Variants in OPRM1 observed in about 807,000 individuals in gnomAD.
OPRM1 encodes the protein opioid receptor mu 1.
A neutral mutation model predicts 31.8 loss-of-function variants in OPRM1; 27 were observed. The ratio of observed to expected loss-of-function variants is 0.85; its 90% confidence interval spans 0.63 to 1.17. OPRM1 has a LOEUF of 1.17. OPRM1 is among the 50% of genes most tolerant of loss of function. The probability of loss-of-function intolerance (pLI) is 0.00; values close to 1 mark genes in which losing one functional copy is unlikely to be tolerated. For missense variants in OPRM1, 536 were observed against 511.1 expected, an observed-to-expected ratio of 1.05 and a Z score of -0.47; for synonymous variants, 196 against 189.9, an observed-to-expected ratio of 1.03 and a Z score of -0.26.
chr6:154,109,627 A>G (rs901970512), intron 3 of OPRM1, among the ~76,000 whole-genome samples: 1 of 152,182 alleles, frequency 6.6e-6, no homozygotes, highest in Non-Finnish European at 1.5e-5. Context: ...GAACACTACT[A>G]AAGTGAAATG....
chr6:154,046,370 A>G (rs886649923), intron 1 of OPRM1, among the ~76,000 whole-genome samples: 12 of 152,170 alleles, frequency 7.9e-5, no homozygotes, highest in Admixed American at 5.9e-4. Context: ...TCAGGATAAT[A>G]GGAGCAGAAT....
intron 3 of OPRM1, among the ~76,000 whole-genome samples, chr6:154,176,197 C>G (rs181672823): frequency 4.6e-5 from 7 of 152,112 alleles, no homozygotes; most frequent in Non-Finnish European, 8.8e-5. Flanking sequence ...CTATTTATGA[C>G]AAACCCACAG....
At chr6:154,118,560 C>T in intron 3 of OPRM1, 123 bp from the exon 4 acceptor site, 1 of 812,564 alleles carries the variant, frequency 1.2e-6, no homozygotes, top group Non-Finnish European at 2.0e-6. Flanking sequence ...AAAACTGAGG[C>T]TTGCAGGTGA....
intron 1 of OPRM1, among the ~76,000 whole-genome samples, chr6:154,081,461 G>A (rs1043560175): frequency 3.3e-5 from 5 of 152,076 alleles, no homozygotes; most frequent in African/African-American, 4.8e-5. Context: ...AGCCGAGATC[G>A]CGCCACTGCA....
At chr6:154,159,827 C>T (rs781465774) in intron 3 of OPRM1, 4 of 1,608,138 alleles carry the variant, frequency 2.5e-6, no homozygotes, top group Non-Finnish European at 3.4e-6. Flanking sequence ...CTGACTTTGT[C>T]TCAAATGGAA....
At position 154,039,851 on chromosome 6, in the gene OPRM1, G is replaced by T. The variant is rs1443966336; in HGVS notation, c.290+17G>T. The T allele has an allele frequency of 6.4e-7, 1 of 1,557,190 alleles. No individual in the cohort carries two copies. Among genetic ancestry groups the T allele is most frequent in the Non-Finnish European group, 8.7e-7 (1 of 1,154,708 alleles). On this transcript the variant is annotated intron_variant, in intron 1 of 3. Transcript: ENST00000330432. ...GATTGTCAGGTAAGGAAAGCGCCAG[G>T]GCTCCGAGCGGAGGGTTCAGCGGCT...
At chr6:154,176,870 T>G (rs572331699) in intron 3 of OPRM1, among the ~76,000 whole-genome samples, 1 of 152,156 alleles carries the variant, frequency 6.6e-6, no homozygotes, top group Non-Finnish European at 1.5e-5. Context: ...GGAGGCATCA[T>G]GCTACCTGAC....
intron 3 of OPRM1, among the ~76,000 whole-genome samples, chr6:154,106,424 T>C (rs1411506046): frequency 1.3e-5 from 2 of 152,240 alleles, no homozygotes; most frequent in African/African-American, 4.8e-5. Context: ...GCTGAGGGCA[T>C]GACTAACTCC....
At chr6:154,209,124 A>G (rs1777748168) in intron 3 of OPRM1, among the ~76,000 whole-genome samples, 1 of 152,252 alleles carries the variant, frequency 6.6e-6, no homozygotes, top group Non-Finnish European at 1.5e-5. Flanking sequence ...TATAGCAATT[A>G]GAATGATTAG....
At chr6:154,026,258 C>T (rs1327246110) in intron 1 of OPRM1, among the ~76,000 whole-genome samples, 2 of 151,892 alleles carry the variant, frequency 1.3e-5, no homozygotes, top group South Asian at 2.1e-4. Context: ...TGTCATGCCA[C>T]TCTCTCCTGG....
At chr6:154,206,617 C>CA (rs1562540910) in intron 3 of OPRM1, among the ~76,000 whole-genome samples, 3 of 151,658 alleles carry the variant, frequency 2.0e-5, no homozygotes, top group African/African-American at 7.3e-5. Context: ...AAAAAATCAT[C>CA]AAAAAAAGAA....
intron 1 of OPRM1, chr6:154,087,463 A>G: frequency 1.0e-6 from 1 of 985,464 alleles, no homozygotes. Flanking sequence ...AAGCCCAAGG[A>G]GGGCCTGGCT....
intron 3 of OPRM1, among the ~76,000 whole-genome samples, chr6:154,117,887 G>GTGTGTGTGTGTA (rs1797042771): frequency 6.6e-6 from 1 of 151,462 alleles, no homozygotes; most frequent in Non-Finnish European, 1.5e-5. Flanking sequence ...GTGTGTGTGT[G>GTGTGTGTGTGTA]TATGAGAGAG....
At position 154,089,936 on chromosome 6, in the gene OPRM1, C is replaced by T; in HGVS notation, c.401C>T (p.Thr134Ile). 1 of 1,613,824 alleles carries T rather than the reference C, an allele frequency of 6.2e-7. No homozygotes were observed. The highest frequency in any genetic ancestry group is 8.5e-7 in the Non-Finnish European group (1 of 1,179,722). Residue 134 changes from threonine to isoleucine, a missense_variant, in exon 2 of 4, where the codon ACA becomes ATA. Coordinates refer to ENST00000330432, the MANE Select transcript of OPRM1 (RefSeq NM_000914.5). ...CAGAGTGTGAATTACCTAATGGGAA[C>T]ATGGCCATTTGGAACCATCCTTTGC... ...PFQSVNYLMG[T>I]WPFGTILCKI...
At chr6:154,021,276 G>T (rs1217227171) in intron 1 of OPRM1, among the ~76,000 whole-genome samples, 1 of 152,052 alleles carries the variant, frequency 6.6e-6, no homozygotes. Context: ...GTATTTATAT[G>T]GATCTATACC....
intron 3 of OPRM1, among the ~76,000 whole-genome samples, chr6:154,196,758 A>T (rs986782701): frequency 2.0e-5 from 3 of 152,222 alleles, no homozygotes; most frequent in Non-Finnish European, 1.5e-5. Flanking sequence ...TGCTTTGTGA[A>T]AATAATCAGT....
intron 3 of OPRM1, among the ~76,000 whole-genome samples, chr6:154,218,788 G>A (rs1279530439): frequency 2.0e-5 from 3 of 152,140 alleles, no homozygotes; most frequent in Non-Finnish European, 4.4e-5. Flanking sequence ...CCATTTAGCC[G>A]GATGGACAAT....
rs1797243808 is a variant in OPRM1 at position 154,120,479 on chromosome 6, C to T, written c.*1758C>T. 6.6e-6 allele frequency among the ~76,000 whole-genome samples: 1 copy of T among 152,094 alleles called. No homozygotes were observed. The highest frequency in any genetic ancestry group is 2.4e-5 in the African/African-American group (1 of 41,432). ...CTCAAATATTATGTTCCATAATAGA[C>T]ATACATTATGTTTAATTTTTTATAT... is the stretch of plus-strand genomic sequence containing the variant. On this transcript the variant is annotated 3_prime_UTR_variant, in exon 4 of 4. Coordinates refer to ENST00000330432, the MANE Select transcript of OPRM1 (RefSeq NM_000914.5).
intron 3 of OPRM1, among the ~76,000 whole-genome samples, chr6:154,211,080 A>G (rs540394015): frequency 3.2e-4 from 49 of 152,176 alleles, no homozygotes; most frequent in Non-Finnish European, 6.2e-4. Context: ...AGAACTTGCC[A>G]TCATTTGGGT....
Sources: allele counts gnomAD v4.1 joint callset (sites outside exome capture counted in the v4.1 genomes callset), GRCh38; gene constraint gnomAD v4.1.1; transcripts MANE v1.5; gene names NCBI Gene and HGNC (gene_info 2026-07-23, HGNC 2026-07-21).